SH3TC1: variants seen among roughly 807,000 people sequenced by gnomAD.
SH3TC1 encodes SH3 domain and tetratricopeptide repeat-containing protein 1.
SH3TC1 carries 135 observed loss-of-function variants against 117.3 expected under a neutral mutation model. That is an observed-to-expected ratio of 1.15 (90% CI 1.00 to 1.33). The LOEUF (loss-of-function observed/expected upper bound fraction) is 1.33. SH3TC1 is among the 40% of genes most tolerant of loss of function. SH3TC1 has a pLI of 0.00. For synonymous variants in SH3TC1, 898 were observed against 816.9 expected (o/e 1.10, Z -1.69); for missense variants, 2,092 against 1,794.3 (o/e 1.17, Z -3.00).
Position 8,212,818 on chromosome 4 carries a change from G to T in SH3TC1, c.365G>T (p.Arg122Leu), listed in dbSNP as rs200305611. Residue 122 changes from arginine (R) to leucine (L), a missense_variant, in exon 4 of 18, where the codon CGC (arginine) becomes CTC (leucine). Arg to Leu is a moderately radical substitution (Grantham distance 102). Coordinates refer to ENST00000245105, the MANE Select transcript of SH3TC1 (RefSeq NM_018986.5). ...GAGAATGATAGCCGGGAGATGGCCC[G>T]CGTGCTTGGGGTGAGTAGCCCTCTG... ...LLENDSREMARVLGELSARLL... is the reference protein window; with the variant it reads ...LLENDSREMALVLGELSARLL... 6.3e-7 allele frequency: 1 copy of T among 1,583,898 alleles called. No homozygotes were observed. The highest frequency in any genetic ancestry group is 1.8e-5 in the Admixed American group (1 of 55,830).
At chr4:8,198,433 G>T (rs937542702), upstream of SH3TC1, among the ~76,000 whole-genome samples, 1 of 152,200 alleles carries the variant, frequency 6.6e-6, no homozygotes, top group Admixed American at 6.5e-5. Context: ...CACCCACCAC[G>T]TGGGTGCTCA....
In SH3TC1 at chr4:8,192,639, G is replaced by A. The variant is rs1297806411; in HGVS notation, c.-57+10429G>A. ...CTCCTGAGTAGCTGGGATCACAGGCGTGTGCCACAACGCCCAGCTAATTTT... is the reference window on the plus strand; with the variant it reads ...CTCCTGAGTAGCTGGGATCACAGGCATGTGCCACAACGCCCAGCTAATTTT... On this transcript the variant is annotated intron_variant, in intron 1 of 16. Transcript: ENST00000508641. The surrounding 1 kb of genome is among the most constrained non-coding windows in gnomAD (Gnocchi z 4.1). Among the ~76,000 whole-genome samples, 3 of 152,040 alleles carry A rather than the reference G, an allele frequency of 2.0e-5. No individual in the cohort carries two copies. The highest frequency in any genetic ancestry group is 1.9e-4 in the East Asian group (1 of 5,176).
chr4:8,219,270 C>T, intron 8 of SH3TC1, 65 bp from the exon 9 acceptor site: 2 of 1,467,734 alleles, frequency 1.4e-6, no homozygotes, highest in South Asian at 1.4e-5. Context: ...TGGCATCGGC[C>T]CTGTCTGCCC....
At chr4:8,236,253 C>T (rs760805002) in intron 15 of SH3TC1, 25 bp from the exon 16 acceptor site, 8 of 1,529,996 alleles carry the variant, frequency 5.2e-6, no homozygotes, top group Admixed American at 2.0e-5. Context: ...TGCGGGAAGC[C>T]TGACCCCACC....
At chr4:8,223,052 G>A (rs953546720) in intron 10 of SH3TC1, 82 bp downstream of exon 10, 1 of 1,518,354 alleles carries the variant, frequency 6.6e-7, no homozygotes, top group East Asian at 2.4e-5. Flanking sequence ...TCCATCCACA[G>A]ATAGTGCCAG....
rs151217437 is a variant in SH3TC1, at chr4:8,208,369, C to CTTT, written c.173-1372_173-1370dup. On this transcript the variant is annotated intron_variant, in intron 2 of 17. Transcript: ENST00000245105. ...TTCTTTCCATTTGAAACATTTCTTT[C>CTTT]TTTTTTTTTATTTTTTGAGATGGAG... Among the ~76,000 whole-genome samples, 55 of 140,724 alleles carry CTTT rather than the reference C, an allele frequency of 3.9e-4. 2 individuals carry two copies. The highest frequency in any genetic ancestry group is 8.3e-4 in the African/African-American group (32 of 38,368). The allele number at this position is 140,724 out of a possible 152,430, so 92.3% of individuals were successfully genotyped here.
intron 13 of SH3TC1, chr4:8,232,829 T>A: frequency 7.8e-7 from 1 of 1,280,168 alleles, no homozygotes; most frequent in Non-Finnish European, 1.0e-6. Flanking sequence ...AGCAGGAAAA[T>A]GGGCCAGTGT....
In SH3TC1 at chr4:8,227,296, C is replaced by A. The variant is rs375913642; in HGVS notation, c.1602C>A (p.Ser534Arg). 1.2e-6 allele frequency: 2 copies of A among 1,608,874 alleles called. No individual in the cohort carries two copies. Among genetic ancestry groups the A allele is most frequent in the African/African-American group, 2.7e-5 (2 of 74,838 alleles). ...PWLSSVFRSF[S>R]DEEELTGRLA... is the part of the protein sequence containing the mutation. ...TGAGCAGCGTGTTCCGCAGCTTCAG[C>A]GACGAGGAGGAGCTGACTGGGCGCC... Residue 534 changes from serine (S) to arginine (R), a missense_variant, in exon 12 of 18, where the codon AGC (serine) becomes AGA (arginine). Physicochemically the swap from Ser to Arg is moderately radical, Grantham distance 110. Transcript: ENST00000245105.
chr4:8,220,157 C>T (rs1158256422), intron 9 of SH3TC1, among the ~76,000 whole-genome samples: 3 of 152,152 alleles, frequency 2.0e-5, no homozygotes, highest in Non-Finnish European at 2.9e-5. Flanking sequence ...TCTGAGGTTC[C>T]GGGAGACATG....
Position 8,227,437 on chromosome 4 carries a change from G to A in SH3TC1, c.1743G>A (p.Val581=), listed in dbSNP as rs201687536. The A allele has an allele frequency of 3.0e-4, 472 of 1,557,938 alleles. No individual in the cohort carries two copies. Among genetic ancestry groups the A allele is most frequent in the Admixed American group, 8.2e-4 (41 of 50,144 alleles). ...GGCTCAAGCTGTCCCAGGCCCGGGTGTACTTTGAGGAAGCGCTGGGGGCCC... is the reference window on the plus strand; with the variant it reads ...GGCTCAAGCTGTCCCAGGCCCGGGTATACTTTGAGGAAGCGCTGGGGGCCC... ...SRRLKLSQAR[V]YFEEALGALE... Residue 581 remains valine (V), a synonymous_variant, in exon 12 of 18, where the codon GTG becomes GTA. Coordinates refer to ENST00000245105, the MANE Select transcript of SH3TC1 (RefSeq NM_018986.5).
At chr4:8,229,727 G>T (rs1720954443) in intron 12 of SH3TC1, among the ~76,000 whole-genome samples, 1 of 152,000 alleles carries the variant, frequency 6.6e-6, no homozygotes, top group African/African-American at 2.4e-5. Flanking sequence ...TCAGACCCAG[G>T]CTTCTTCCCC....
chr4:8,188,074 T>C (rs1352670507), intron 1 of SH3TC1, among the ~76,000 whole-genome samples: 1 of 152,228 alleles, frequency 6.6e-6, no homozygotes, highest in African/African-American at 2.4e-5. Flanking sequence ...ACGCCCACTG[T>C]GTTTATTTCC....
chr4:8,219,522 C>G lies in SH3TC1; in HGVS notation c.1104C>G (p.Pro368=), dbSNP rs199920442. The change falls in exon 9 of 18, where the codon CCC becomes CCG. Residue 368 remains proline, a synonymous_variant. Coordinates refer to ENST00000245105, the MANE Select transcript of SH3TC1 (RefSeq NM_018986.5). The part of the protein sequence containing the change: ...VRSSLISMQG[P]VSELESAIFL... ...GCAGCCTCATCAGCATGCAGGGCCC[C>G]GTGTCCGAGTGAGTGGCTGGAGCCC... The G allele has an allele frequency of 2.7e-5, 42 of 1,560,160 alleles. No individual in the cohort carries two copies. The highest frequency in any genetic ancestry group is 3.6e-5 in the Non-Finnish European group (41 of 1,146,906).
At position 8,227,453 on chromosome 4, in the gene SH3TC1, C is replaced by T. The variant is rs1720588175; in HGVS notation, c.1759C>T (p.Leu587=). Residue 587 remains leucine (L), a synonymous_variant, in exon 12 of 18, where the codon CTG becomes TTG. Transcript: ENST00000245105. ...GGCCCGGGTGTACTTTGAGGAAGCG[C>T]TGGGGGCCCTGGAGGGCAGCTTCGG... ...SQARVYFEEA[L]GALEGSFGDL... 1 of 1,562,974 alleles carries T rather than the reference C, an allele frequency of 6.4e-7. No individual in the cohort carries two copies. Among genetic ancestry groups the T allele is most frequent in the South Asian group, 1.2e-5 (1 of 81,766 alleles).
chr4:8,236,757 T>G, intron 16 of SH3TC1: 1 of 279,860 alleles, frequency 3.6e-6, no homozygotes, highest in Non-Finnish European at 6.7e-6. Flanking sequence ...CACATTCCCT[T>G]TCTCTTGTGC....
At chr4:8,204,071 G>A (rs1256949001) in intron 1 of SH3TC1, among the ~76,000 whole-genome samples, 1 of 152,226 alleles carries the variant, frequency 6.6e-6, no homozygotes, top group East Asian at 1.9e-4. Flanking sequence ...CAAAAGGGGT[G>A]ACAGGACAGC....
At chr4:8,228,784 C>T (rs1051717312) in intron 12 of SH3TC1, 140 bp downstream of exon 12, 38 of 735,890 alleles carry the variant, frequency 5.2e-5, no homozygotes, top group Non-Finnish European at 7.3e-5. Flanking sequence ...TGTTGGCAAG[C>T]GCCCTGGAGA....
At chr4:8,182,751 C>T (rs1454743841) in intron 1 of SH3TC1, among the ~76,000 whole-genome samples, 3 of 152,208 alleles carry the variant, frequency 2.0e-5, no homozygotes, top group Admixed American at 6.5e-5. Flanking sequence ...GACGCAGGAG[C>T]CCTGGGCGGG....
At chr4:8,197,027 A>G (rs1717575903), upstream of SH3TC1, among the ~76,000 whole-genome samples, 1 of 152,208 alleles carries the variant, frequency 6.6e-6, no homozygotes, top group Admixed American at 6.5e-5. Flanking sequence ...TGGGAAAGGA[A>G]TCTTTGCAGA....
Sources: gnomAD v4.1 joint callset for allele counts (sites outside exome capture counted in the v4.1 genomes callset) on GRCh38, gnomAD v4.1.1 for gene constraint, Gnocchi (gnomAD v3.1) non-coding constraint, MANE v1.5 for transcripts, NCBI Gene and HGNC (gene_info 2026-07-23, HGNC 2026-07-21) for gene names.